ITGA9: variants seen among roughly 807,000 people sequenced by gnomAD.
ITGA9 encodes integrin subunit alpha 9.
ITGA9 carries 56 observed loss-of-function variants against 127.8 expected under a neutral mutation model. The ratio of observed to expected loss-of-function variants is 0.44; its 90% CI spans 0.35 to 0.55. ITGA9 has a LOEUF of 0.55. Among genes scored for constraint, ITGA9 ranks in the 20% least tolerant of loss-of-function variants. The pLI, the probability that ITGA9 is intolerant of heterozygous loss-of-function variation, is 0.00. For synonymous variants in ITGA9, 508 were observed against 514.5 expected, an observed-to-expected ratio of 0.99 and a Z score of 0.17; for missense variants, 1,196 against 1,347.1, an observed-to-expected ratio of 0.89 and a Z score of 1.76.
chr3:37,462,700 G>A (rs1205237082), intron 1 of ITGA9, among the ~76,000 whole-genome samples: 2 of 152,212 alleles, frequency 1.3e-5, no homozygotes, highest in Non-Finnish European at 2.9e-5. Flanking sequence ...GGCCCTGAAA[G>A]GAAAAGGGCT....
intron 11 of ITGA9, among the ~76,000 whole-genome samples, chr3:37,519,603 C>CT (rs1699024358): frequency 6.6e-6 from 1 of 152,212 alleles, no homozygotes; most frequent in African/African-American, 2.4e-5. Context: ...TCAACTCTTA[C>CT]TCAGAGTTGG....
intron 15 of ITGA9, among the ~76,000 whole-genome samples, chr3:37,576,195 A>G (rs898988402): frequency 2.6e-5 from 4 of 152,188 alleles, no homozygotes; most frequent in Non-Finnish European, 5.9e-5. Flanking sequence ...GCTGGTAATG[A>G]CAAAATGTGG....
At chr3:37,453,387 C>CCCCATTA (rs1559510483) in intron 1 of ITGA9, among the ~76,000 whole-genome samples, 1 of 152,146 alleles carries the variant, frequency 6.6e-6, no homozygotes, top group African/African-American at 2.4e-5. Flanking sequence ...AAGAAGGGGG[C>CCCCATTA]AGCTCTCCCC....
chr3:37,484,253 A>T (rs986212133), intron 4 of ITGA9, among the ~76,000 whole-genome samples: 1 of 152,000 alleles, frequency 6.6e-6, no homozygotes, highest in Non-Finnish European at 1.5e-5. Context: ...AAAATGGGGG[A>T]CTAAATTGAA....
At chr3:37,536,466 T>G (rs1470782374) in intron 14 of ITGA9, among the ~76,000 whole-genome samples, 1 of 152,258 alleles carries the variant, frequency 6.6e-6, no homozygotes, top group African/African-American at 2.4e-5. Flanking sequence ...CTGTGGTATT[T>G]ATCTGCTGCT....
intron 13 of ITGA9, among the ~76,000 whole-genome samples, chr3:37,528,020 C>T (rs969116120): frequency 1.3e-5 from 2 of 152,080 alleles, no homozygotes; most frequent in African/African-American, 4.8e-5. Flanking sequence ...CTCCTGACCT[C>T]GTGATCTGCC....
At chr3:37,682,480 C>A (rs188795514) in intron 17 of ITGA9, among the ~76,000 whole-genome samples, 1 of 152,338 alleles carries the variant, frequency 6.6e-6, no homozygotes, top group East Asian at 1.9e-4. Flanking sequence ...CTTTTCCAGT[C>A]TTGTTGGCTG....
chr3:37,705,622 T>C (rs1700995813), intron 18 of ITGA9, among the ~76,000 whole-genome samples: 1 of 152,238 alleles, frequency 6.6e-6, no homozygotes, highest in Admixed American at 6.5e-5. Context: ...CCACGTGTAT[T>C]CCGTGAAATG....
At chr3:37,572,820 G>A (rs1237641556) in intron 15 of ITGA9, among the ~76,000 whole-genome samples, 3 of 152,144 alleles carry the variant, frequency 2.0e-5, no homozygotes, top group Admixed American at 6.5e-5. Flanking sequence ...TTTAAGCCTC[G>A]TTTAATTTTT....
chr3:37,786,884 TC>T, intron 26 of ITGA9, among the ~76,000 whole-genome samples: 1 of 152,378 alleles, frequency 6.6e-6, no homozygotes, highest in African/African-American at 2.4e-5. Context: ...TCTTGCTTTG[TC>T]ACCCAGGCTG....
At chr3:37,476,693 G>A (rs149953111) in intron 3 of ITGA9, among the ~76,000 whole-genome samples, 280 of 152,278 alleles carry the variant, frequency 1.8e-3, no homozygotes, top group African/African-American at 6.4e-3. Context: ...CCTTCGTGAA[G>A]CCTGTTAAGG....
intron 15 of ITGA9, among the ~76,000 whole-genome samples, chr3:37,569,993 T>C (rs1699585163): frequency 6.6e-6 from 1 of 152,248 alleles, no homozygotes; most frequent in Admixed American, 6.5e-5. Context: ...ATGCATATCA[T>C]TGAATAATGT....
chr3:37,632,580 A>G (rs1330124939), intron 16 of ITGA9, among the ~76,000 whole-genome samples: 1 of 152,206 alleles, frequency 6.6e-6, no homozygotes, highest in East Asian at 1.9e-4. Context: ...AAAGAGGGAG[A>G]CTATTTTTTA....
At chr3:37,813,592 C>G (rs966934182) in intron 27 of ITGA9, among the ~76,000 whole-genome samples, 8 of 152,206 alleles carry the variant, frequency 5.3e-5, no homozygotes, top group Non-Finnish European at 8.8e-5. Flanking sequence ...TATTGTGCCT[C>G]TAGGGCATTT....
intron 1 of ITGA9, among the ~76,000 whole-genome samples, chr3:37,469,984 A>G (rs1453750219): frequency 6.6e-6 from 1 of 152,022 alleles, no homozygotes; most frequent in Admixed American, 6.5e-5. Flanking sequence ...TTTAGTAGAG[A>G]CAGGGTTTCA....
At chr3:37,486,877 C>G (rs79991466) in intron 4 of ITGA9, among the ~76,000 whole-genome samples, 7,335 of 152,182 alleles carry the variant, frequency 0.048, 251 homozygotes, top group Non-Finnish European at 0.068. Flanking sequence ...ATTTCTGTAC[C>G]ACTCTATTAT....
chr3:37,685,693 C>T (rs891719480), intron 18 of ITGA9, among the ~76,000 whole-genome samples: 10 of 152,234 alleles, frequency 6.6e-5, no homozygotes, highest in South Asian at 2.1e-4. Context: ...AGGACCCATG[C>T]GAGAAATTTC....
At chr3:37,520,027 A>G (rs561410644) in intron 11 of ITGA9, among the ~76,000 whole-genome samples, 95 of 152,358 alleles carry the variant, frequency 6.2e-4, no homozygotes, top group African/African-American at 2.2e-3. Flanking sequence ...GGGGACACAC[A>G]TTGAGAAATT....
chr3:37,585,796 G>T (rs2364183), intron 15 of ITGA9, among the ~76,000 whole-genome samples: 1 of 151,766 alleles, frequency 6.6e-6, no homozygotes, highest in Non-Finnish European at 1.5e-5. Context: ...GAAGAAGGGG[G>T]CCCCCCCAAT....
Sources: allele counts gnomAD v4.1 joint callset (sites outside exome capture counted in the v4.1 genomes callset), GRCh38; gene constraint gnomAD v4.1.1; transcripts MANE v1.5; gene names NCBI Gene and HGNC (gene_info 2026-07-23, HGNC 2026-07-21).